The following DPP10 variants were observed in gnomAD, a reference collection of about 807,000 sequenced individuals.
The protein encoded by DPP10 is inactive dipeptidyl peptidase 10.
In DPP10, 33 loss-of-function variants were observed where a neutral mutation model predicts 120.9. That is an observed-to-expected ratio of 0.27 (90% CI 0.21 to 0.37). The LOEUF is 0.37. Ranked by LOEUF, DPP10 falls within the 10% of genes least tolerant of loss-of-function variation. DPP10 has a pLI of 1.00. For missense variants in DPP10, 816 were observed against 942.8 expected, an observed-to-expected ratio of 0.87 and a Z score of 1.76; for synonymous variants, 337 against 326.1, an observed-to-expected ratio of 1.03 and a Z score of -0.36.
chr2:114,592,004 A>G (rs1432347859), intron 1 of DPP10, among the ~76,000 whole-genome samples: 2 of 149,036 alleles, frequency 1.3e-5, no homozygotes, highest in African/African-American at 5.1e-5. Context: ...ACTACCCTCA[A>G]TGACAATAGT....
chr2:115,619,682 A>T (rs1308965356), intron 5 of DPP10, among the ~76,000 whole-genome samples: 1 of 152,144 alleles, frequency 6.6e-6, no homozygotes, highest in Admixed American at 6.5e-5. Context: ...TTTCTGACCC[A>T]GGCATAGAAC....
At chr2:115,158,264 T>A (rs1327987245) in intron 1 of DPP10, among the ~76,000 whole-genome samples, 2 of 152,202 alleles carry the variant, frequency 1.3e-5, no homozygotes, top group African/African-American at 4.8e-5. Context: ...ATTAATCCAA[T>A]TATTATCTAA....
At chr2:114,720,446 A>G (rs1030750233) in intron 1 of DPP10, among the ~76,000 whole-genome samples, 4 of 152,212 alleles carry the variant, frequency 2.6e-5, no homozygotes, top group Admixed American at 6.5e-5. Flanking sequence ...AAATCTGTCA[A>G]TTCTTCTTAA....
intron 2 of DPP10, among the ~76,000 whole-genome samples, chr2:115,324,062 C>T (rs182033698): frequency 1.3e-5 from 2 of 152,122 alleles, no homozygotes; most frequent in Non-Finnish European, 1.5e-5. Flanking sequence ...CTATGAAAGT[C>T]CTAGATAGAT....
chr2:114,863,696 C>T (rs1450900152), intron 1 of DPP10, among the ~76,000 whole-genome samples: 1 of 152,222 alleles, frequency 6.6e-6, no homozygotes, highest in African/African-American at 2.4e-5. Flanking sequence ...GCAACTACTT[C>T]TTTAAATACT....
intron 1 of DPP10, among the ~76,000 whole-genome samples, chr2:114,468,227 A>G (rs1251915103): frequency 6.6e-6 from 1 of 151,996 alleles, no homozygotes; most frequent in Non-Finnish European, 1.5e-5. Context: ...AATTAGTGAT[A>G]TGACATTGTC....
intron 1 of DPP10, among the ~76,000 whole-genome samples, chr2:115,244,160 C>A (rs1355155432): frequency 7.0e-6 from 1 of 142,142 alleles, no homozygotes; most frequent in Non-Finnish European, 1.5e-5. Context: ...CATATTAGTT[C>A]CAGAACTGAA....
intron 1 of DPP10, among the ~76,000 whole-genome samples, chr2:114,862,212 AC>A (rs1406646152): frequency 6.6e-6 from 1 of 152,164 alleles, no homozygotes; most frequent in Non-Finnish European, 1.5e-5. Context: ...AATGAAATGG[AC>A]TTTTAAAACT....
intron 5 of DPP10, among the ~76,000 whole-genome samples, chr2:115,601,450 C>A (rs534317488): frequency 2.9e-4 from 44 of 152,172 alleles, no homozygotes; most frequent in Admixed American, 2.6e-3. Flanking sequence ...TCAGATAATG[C>A]CAAGTCTGGG....
chr2:115,426,695 G>A (rs1375090086), intron 3 of DPP10, among the ~76,000 whole-genome samples: 3 of 151,932 alleles, frequency 2.0e-5, no homozygotes, highest in Non-Finnish European at 4.4e-5. Flanking sequence ...CTTCCAACAC[G>A]AGATGACATT....
At chr2:115,288,224 G>T (rs541999072) in intron 1 of DPP10, among the ~76,000 whole-genome samples, 8 of 151,616 alleles carry the variant, frequency 5.3e-5, no homozygotes, top group African/African-American at 1.2e-4. Context: ...TGACCATTCT[G>T]GCTGGAGTAA....
Position 115,815,859 on chromosome 2 carries a change from CAT to C in DPP10, c.1950+131_1950+132del, listed in dbSNP as rs1247586971. The C allele has an allele frequency of 2.5e-5, 23 of 902,536 alleles. No individual in the cohort carries two copies. In the East Asian group the frequency reaches 5.5e-4, roughly 22 times the overall value. 55.9% of individuals were successfully genotyped at this position (902,536 alleles called of 1,614,324 possible). ...TTGACTGGGATTCCATACTTATTAA[CAT>C]GGAAAACCTCACTGTAGCAAGATTT... On this transcript the variant is annotated intron_variant, in intron 21 of 25. Coordinates refer to ENST00000410059, the MANE Select transcript of DPP10 (RefSeq NM_020868.6).
chr2:114,584,502 G>A (rs1479731167), intron 1 of DPP10, among the ~76,000 whole-genome samples: 9 of 149,978 alleles, frequency 6.0e-5, no homozygotes, highest in Admixed American at 2.0e-4. Flanking sequence ...CCATTAACTC[G>A]TCATTTAGCA....
chr2:115,544,145 TA>T (rs1321837511), intron 5 of DPP10, among the ~76,000 whole-genome samples: 4 of 152,014 alleles, frequency 2.6e-5, no homozygotes, highest in African/African-American at 7.2e-5. Flanking sequence ...AATTTGCTTC[TA>T]ATGTTATAAA....
intron 5 of DPP10, among the ~76,000 whole-genome samples, chr2:115,670,783 T>C (rs1346192302): frequency 1.3e-5 from 2 of 152,124 alleles, no homozygotes; most frequent in African/African-American, 4.8e-5. Context: ...ATTGTCTACT[T>C]GATGCTGACA....
intron 1 of DPP10, among the ~76,000 whole-genome samples, chr2:115,003,456 C>A (rs1232944157): frequency 2.0e-5 from 3 of 151,856 alleles, no homozygotes; most frequent in African/African-American, 7.3e-5. Context: ...ATACACGAAA[C>A]CCCCATGACA....
At chr2:115,255,421 C>T (rs2058940886) in intron 1 of DPP10, among the ~76,000 whole-genome samples, 1 of 152,154 alleles carries the variant, frequency 6.6e-6, no homozygotes, top group African/African-American at 2.4e-5. Context: ...GGAGGGGCTG[C>T]CACAGAGGTC....
chr2:115,756,211 A>C (rs1468602784), intron 11 of DPP10, among the ~76,000 whole-genome samples: 1 of 152,146 alleles, frequency 6.6e-6, no homozygotes. Context: ...GAGAGAAGTT[A>C]GTTAACAGAT....
chr2:115,295,643 A>G (rs2060852456), intron 1 of DPP10, among the ~76,000 whole-genome samples: 1 of 152,096 alleles, frequency 6.6e-6, no homozygotes, highest in South Asian at 2.1e-4. Flanking sequence ...TTAATGGCAA[A>G]AGCAATAAAA....
Sources: gnomAD v4.1 joint callset for allele counts (sites outside exome capture counted in the v4.1 genomes callset) on GRCh38, gnomAD v4.1.1 for gene constraint, MANE v1.5 for transcripts, NCBI Gene and HGNC (gene_info 2026-07-23, HGNC 2026-07-21) for gene names.